The following DYNC2I2 variants were observed in gnomAD, a reference collection of about 807,000 sequenced individuals.
DYNC2I2 encodes cytoplasmic dynein 2 intermediate chain 2.
DYNC2I2 carries 39 observed loss-of-function variants against 52.0 expected under a neutral mutation model. That is an observed-to-expected ratio of 0.75 (90% CI 0.58 to 0.98). The LOEUF (loss-of-function observed/expected upper bound fraction) is 0.98, where lower values mean the gene tolerates loss of function less well. DYNC2I2 is among the 50% of genes least tolerant of loss of function. The pLI is 0.00. For missense variants in DYNC2I2, 743 were observed against 728.4 expected, an observed-to-expected ratio of 1.02 and a Z score of -0.23; for synonymous variants, 359 against 321.1, an observed-to-expected ratio of 1.12 and a Z score of -1.26.
At chr9:128,664,470 C>T in the DYNC2I2 span, among the ~76,000 whole-genome samples, 1 of 151,880 alleles carries the variant, frequency 6.6e-6, no homozygotes, top group Non-Finnish European at 1.5e-5. Context: ...CTAAATATGT[C>T]AATACCAGTA....
In DYNC2I2 at chr9:128,634,740, A is replaced by G; in HGVS notation, c.1163T>C (p.Phe388Ser). Residue 388 changes from phenylalanine to serine, a missense_variant, in exon 7 of 9, where the codon TTC becomes TCC. Physicochemically the swap from Phe to Ser is radical, Grantham distance 155. Coordinates refer to ENST00000372715, the MANE Select transcript of DYNC2I2 (RefSeq NM_052844.4). ...GTAGATGGGACCGCCGTGGGGGGAG[A>G]AGGTAAACTGTGCTGGGGCCCGCAG... ...VPLRAPAQFT[F>S]SPHGGPIYSV... 6.2e-7 allele frequency: 1 copy of G among 1,600,142 alleles called. No homozygotes were observed. Among genetic ancestry groups the G allele is most frequent in the Non-Finnish European group, 8.5e-7 (1 of 1,173,970 alleles).
chr9:128,637,631 C>T (rs1860440518), intron 2 of DYNC2I2, among the ~76,000 whole-genome samples: 1 of 152,078 alleles, frequency 6.6e-6, no homozygotes, highest in African/African-American at 2.4e-5. Context: ...TTATCAGAGA[C>T]GGGGTTTCAC....
chr9:128,672,884 C>G, the DYNC2I2 span, among the ~76,000 whole-genome samples: 1 of 151,966 alleles, frequency 6.6e-6, no homozygotes, highest in East Asian at 1.9e-4. Flanking sequence ...ACTGGTGGGG[C>G]GTGGTAGCGG....
Position 128,656,545 on chromosome 9 carries a change from T to C in DYNC2I2, c.182A>G (p.Glu61Gly), listed in dbSNP as rs909384764. 3.9e-5 allele frequency: 55 copies of C among 1,410,514 alleles called. No individual in the cohort carries two copies. Among genetic ancestry groups the C allele is most frequent in the African/African-American group, 4.5e-5 (3 of 66,432 alleles). The allele number at this position is 1,410,514 out of a possible 1,614,324, so 87.4% of individuals were successfully genotyped here. Reference sequence around the variant, plus strand: ...GCGCGGGGCCCGCGCCCTCACCGTCTCCCAGCGGATGCCCTGGACGGCCCT... The same window carrying C: ...GCGCGGGGCCCGCGCCCTCACCGTCCCCCAGCGGATGCCCTGGACGGCCCT... ...QWRAVQGIRW[E>G]TKSCQTASIA... The change falls in exon 1 of 9, where the codon GAG (glutamate) becomes GGG (glycine). Residue 61 changes from glutamate to glycine, a missense_variant. By Grantham distance (98) the Glu-to-Gly change is moderately conservative. Transcript: ENST00000372715.
chr9:128,666,695 G>T, the DYNC2I2 span, among the ~76,000 whole-genome samples: 1 of 150,704 alleles, frequency 6.6e-6, no homozygotes, highest in Non-Finnish European at 1.5e-5. Flanking sequence ...GGAGGCAGAG[G>T]TTTCAGTGAC....
intron 6 of DYNC2I2, 45 bp from the exon 7 acceptor site, chr9:128,634,966 A>T (rs1395938017): frequency 6.2e-7 from 1 of 1,602,920 alleles, no homozygotes; most frequent in East Asian, 2.2e-5. Flanking sequence ...AGGGCATCAG[A>T]TGGCACTGTC....
chr9:128,668,247 C>T, the DYNC2I2 span, among the ~76,000 whole-genome samples: 67 of 138,566 alleles, frequency 4.8e-4, 1 homozygote, highest in South Asian at 0.011. Flanking sequence ...GCGTGAGCCA[C>T]CACGCCCGGC....
chr9:128,674,303 T>G, the DYNC2I2 span, among the ~76,000 whole-genome samples: 1 of 151,734 alleles, frequency 6.6e-6, no homozygotes, highest in African/African-American at 2.4e-5. Flanking sequence ...CCCGGCTAAT[T>G]TTTTGTATTT....
rs750826296 is a variant in DYNC2I2 at position 128,637,038 on chromosome 9, G to A, written c.436-11C>T. 1.4e-4 allele frequency: 222 copies of A among 1,606,698 alleles called. No individual in the cohort carries two copies. The highest frequency in any genetic ancestry group is 1.7e-4 in the Non-Finnish European group (198 of 1,175,168). ...ATACAGACAAGACACCTGCGGAGAC[G>A]TCCCCAACCCTGAGTCCAAAGCCAC... On this transcript the variant is annotated splice_polypyrimidine_tract_variant and intron_variant, in intron 2 of 8. Transcript: ENST00000372715.
chr9:128,677,216 CAAAA>C, the DYNC2I2 span, among the ~76,000 whole-genome samples: 4 of 135,094 alleles, frequency 3.0e-5, no homozygotes, highest in Non-Finnish European at 4.8e-5. Flanking sequence ...AACTCTGTCT[CAAAA>C]AAAAAAAAAA....
upstream of DYNC2I2, among the ~76,000 whole-genome samples, chr9:128,660,745 T>C (rs1860908178): frequency 6.6e-6 from 1 of 151,818 alleles, no homozygotes; most frequent in Non-Finnish European, 1.5e-5. Context: ...TATTTATGTT[T>C]TTGAGATGGT....
At chr9:128,669,148 G>A in the DYNC2I2 span, among the ~76,000 whole-genome samples, 7 of 151,792 alleles carry the variant, frequency 4.6e-5, no homozygotes, top group East Asian at 2.0e-4. Context: ...GGCGGATCAC[G>A]AGGTCAGGAG....
At chr9:128,683,261 T>C in the DYNC2I2 span, among the ~76,000 whole-genome samples, 29 of 133,688 alleles carry the variant, frequency 2.2e-4, no homozygotes, top group African/African-American at 8.1e-4. Flanking sequence ...CCTCTTTCTC[T>C]GTAATTCTTT....
At chr9:128,679,131 T>C in the DYNC2I2 span, among the ~76,000 whole-genome samples, 1 of 152,152 alleles carries the variant, frequency 6.6e-6, no homozygotes, top group African/African-American at 2.4e-5. Flanking sequence ...TACAGATATA[T>C]ACACTGAGAC....
chr9:128,633,697 C>T lies in DYNC2I2; in HGVS notation c.*47G>A, dbSNP rs1429598995. Reference sequence around the variant, plus strand: ...TTCTTCATTTGGCTTGCGTCAGAAACACAAGGCTCGGCACAGCGAAGGCTT... The same window carrying T: ...TTCTTCATTTGGCTTGCGTCAGAAATACAAGGCTCGGCACAGCGAAGGCTT... On this transcript the variant is annotated 3_prime_UTR_variant, in exon 9 of 9. Transcript: ENST00000372715. The T allele has an allele frequency of 6.4e-7, 1 of 1,567,060 alleles. No individual in the cohort carries two copies. The highest frequency in any genetic ancestry group is 1.4e-5 in the African/African-American group (1 of 73,456).
chr9:128,638,295 G>A (rs1860451431), intron 2 of DYNC2I2, among the ~76,000 whole-genome samples: 1 of 151,666 alleles, frequency 6.6e-6, no homozygotes, highest in African/African-American at 2.4e-5. Flanking sequence ...GAGGCGGGCG[G>A]ATCACAAGGT....
chr9:128,633,720 C>T lies in DYNC2I2; in HGVS notation c.*24G>A, dbSNP rs747954026. The T allele has an allele frequency of 5.0e-6, 8 of 1,605,790 alleles. No individual in the cohort carries two copies. In the East Asian group the frequency reaches 1.1e-4, roughly 22 times the overall value. On this transcript the variant is annotated 3_prime_UTR_variant, in exon 9 of 9. Transcript: ENST00000372715. ...AACACAAGGCTCGGCACAGCGAAGG[C>T]TTGCACCCGCCTCCCGGGACCCCTC...
the DYNC2I2 span, among the ~76,000 whole-genome samples, chr9:128,679,532 T>A: frequency 5.3e-5 from 8 of 152,038 alleles, no homozygotes; most frequent in African/African-American, 1.9e-4. Context: ...GGAGCAATCA[T>A]AGCTCACTGT....
chr9:128,679,292 A>C, the DYNC2I2 span, among the ~76,000 whole-genome samples: 2 of 151,990 alleles, frequency 1.3e-5, no homozygotes, highest in Admixed American at 6.6e-5. Context: ...TGACTTTCAA[A>C]ATGCATTAGA....
Sources: allele counts gnomAD v4.1 joint callset (sites outside exome capture counted in the v4.1 genomes callset), GRCh38; gene constraint gnomAD v4.1.1; transcripts MANE v1.5; gene names NCBI Gene and HGNC (gene_info 2026-07-23, HGNC 2026-07-21).